Variants in ADGRL2 observed in about 807,000 individuals in gnomAD.
The protein encoded by ADGRL2 is calcium-independent alpha-latrotoxin receptor 2.
ADGRL2 carries 44 observed loss-of-function variants against 157.4 expected under a neutral mutation model. The observed-to-expected ratio is 0.28, with a 90% CI of 0.22 to 0.36. The LOEUF (loss-of-function observed/expected upper bound fraction) is 0.36, where lower values mean the gene tolerates loss of function less well. ADGRL2 is among the 10% of genes least tolerant of loss of function. The pLI is 1.00. For synonymous variants in ADGRL2, 585 were observed against 624.7 expected (o/e 0.94, Z 0.95); for missense variants, 1,510 against 1,768.9 (o/e 0.85, Z 2.63).
At chr1:81,508,488 G>A (rs145002224) in intron 2 of ADGRL2, among the ~76,000 whole-genome samples, 181 of 152,334 alleles carry the variant, frequency 1.2e-3, no homozygotes, top group Non-Finnish European at 2.1e-3. Flanking sequence ...ATATGTGAAT[G>A]AGGAGACAAG....
At chr1:81,399,230 C>T (rs1056332514) in intron 1 of ADGRL2, among the ~76,000 whole-genome samples, 2 of 152,128 alleles carry the variant, frequency 1.3e-5, no homozygotes, top group Non-Finnish European at 2.9e-5. Context: ...GGAAATCCAC[C>T]CCTGTGATCC....
At chr1:81,967,200 A>G (rs1558016108) in intron 13 of ADGRL2, among the ~76,000 whole-genome samples, 1 of 152,286 alleles carries the variant, frequency 6.6e-6, no homozygotes, top group East Asian at 1.9e-4. Flanking sequence ...TGGATCTCCA[A>G]ATAGGCAAAG....
At chr1:81,341,485 A>G (rs1300388314) in intron 1 of ADGRL2, among the ~76,000 whole-genome samples, 4 of 151,720 alleles carry the variant, frequency 2.6e-5, no homozygotes, top group Admixed American at 2.6e-4. Flanking sequence ...CTATTTTTAT[A>G]CTTTTATTTT....
chr1:81,637,504 C>A (rs1474401879), intron 3 of ADGRL2, among the ~76,000 whole-genome samples: 2 of 151,994 alleles, frequency 1.3e-5, no homozygotes, highest in African/African-American at 2.4e-5. Flanking sequence ...GCTGAAGCTA[C>A]TAAAGAAAAG....
At chr1:81,468,781 T>C (rs2078112040) in intron 2 of ADGRL2, among the ~76,000 whole-genome samples, 2 of 152,166 alleles carry the variant, frequency 1.3e-5, no homozygotes, top group South Asian at 4.1e-4. Flanking sequence ...TTCATCAACC[T>C]AGCATTTTTC....
At chr1:81,645,704 C>T (rs1275601406) in intron 3 of ADGRL2, among the ~76,000 whole-genome samples, 1 of 152,108 alleles carries the variant, frequency 6.6e-6, no homozygotes, top group Non-Finnish European at 1.5e-5. Flanking sequence ...TCTACAATTG[C>T]TACCTAGTGT....
At chr1:81,746,130 T>G (rs2085239143) in intron 1 of ADGRL2, among the ~76,000 whole-genome samples, 1 of 152,208 alleles carries the variant, frequency 6.6e-6, no homozygotes, top group Non-Finnish European at 1.5e-5. Context: ...TTGATTTTTA[T>G]TTCTAATATA....
chr1:81,670,703 T>A (rs1254274581), intron 3 of ADGRL2, among the ~76,000 whole-genome samples: 6 of 152,202 alleles, frequency 3.9e-5, no homozygotes, highest in Non-Finnish European at 8.8e-5. Flanking sequence ...TTTCACAAAA[T>A]CATCAGTGTA....
chr1:81,844,718 CAGG>C (rs1160387193), intron 2 of ADGRL2, among the ~76,000 whole-genome samples: 1 of 152,092 alleles, frequency 6.6e-6, no homozygotes, highest in Admixed American at 6.6e-5. Context: ...GAAGTGATTC[CAGG>C]AGAATACCTA....
intron 1 of ADGRL2, among the ~76,000 whole-genome samples, chr1:81,741,266 T>C (rs961989394): frequency 7.2e-5 from 11 of 151,992 alleles, no homozygotes; most frequent in African/African-American, 2.2e-4. Flanking sequence ...GAAAAGAACT[T>C]AAAAAATAAT....
intron 2 of ADGRL2, among the ~76,000 whole-genome samples, chr1:81,887,352 TTAGAC>T (rs2094149558): frequency 6.6e-6 from 1 of 152,210 alleles, no homozygotes; most frequent in South Asian, 2.1e-4. Context: ...ATTAAAAAGT[TTAGAC>T]TAGAGCAGTG....
chr1:81,576,269 A>G (rs1052681080), intron 2 of ADGRL2, among the ~76,000 whole-genome samples: 1 of 152,088 alleles, frequency 6.6e-6, no homozygotes, highest in African/African-American at 2.4e-5. Context: ...CTTTTTCACC[A>G]GTGGAATTTT....
At chr1:81,704,486 T>A (rs1388627314) in intron 1 of ADGRL2, among the ~76,000 whole-genome samples, 1 of 152,142 alleles carries the variant, frequency 6.6e-6, no homozygotes, top group East Asian at 1.9e-4. Flanking sequence ...GGTATGTGGA[T>A]GTCTGGGCCT....
intron 2 of ADGRL2, among the ~76,000 whole-genome samples, chr1:81,541,305 A>G (rs2079877935): frequency 6.6e-6 from 1 of 152,222 alleles, no homozygotes; most frequent in Non-Finnish European, 1.5e-5. Flanking sequence ...CCAATGTCCA[A>G]ATGGACATTT....
intron 1 of ADGRL2, among the ~76,000 whole-genome samples, chr1:81,726,131 C>T (rs1207623112): frequency 6.6e-6 from 1 of 152,142 alleles, no homozygotes; most frequent in African/African-American, 2.4e-5. Flanking sequence ...GTACAGTGTC[C>T]ACTCTCAGCA....
At chr1:81,375,676 T>A (rs889830993) in intron 1 of ADGRL2, among the ~76,000 whole-genome samples, 1 of 152,192 alleles carries the variant, frequency 6.6e-6, no homozygotes, top group African/African-American at 2.4e-5. Context: ...CTTGGAATCA[T>A]CTTATATTAT....
At chr1:81,955,034 A>T (rs1487468614) in intron 10 of ADGRL2, among the ~76,000 whole-genome samples, 1 of 152,198 alleles carries the variant, frequency 6.6e-6, no homozygotes, top group Non-Finnish European at 1.5e-5. Flanking sequence ...AGAGTGTAGG[A>T]GTATAAGATC....
intron 2 of ADGRL2, among the ~76,000 whole-genome samples, chr1:81,567,495 C>A (rs999861414): frequency 1.3e-5 from 2 of 152,066 alleles, no homozygotes; most frequent in South Asian, 4.1e-4. Context: ...ATCCGGAATG[C>A]TGAAAATAAG....
At chr1:81,923,390 G>C (rs1451331724) in intron 3 of ADGRL2, among the ~76,000 whole-genome samples, 1 of 152,108 alleles carries the variant, frequency 6.6e-6, no homozygotes, top group Non-Finnish European at 1.5e-5. Flanking sequence ...ATTAATCTGA[G>C]AGTGTATGAA....
Sources: gnomAD v4.1 joint callset for allele counts (sites outside exome capture counted in the v4.1 genomes callset) on GRCh38, gnomAD v4.1.1 for gene constraint, MANE v1.5 for transcripts, NCBI Gene and HGNC (gene_info 2026-07-23, HGNC 2026-07-21) for gene names.